PSKH1: variants seen among roughly 807,000 people sequenced by gnomAD.
PSKH1 encodes the protein serine/threonine-protein kinase H1.
PSKH1 carries 12 observed loss-of-function variants against 26.7 expected under a neutral mutation model. The ratio of observed to expected loss-of-function variants is 0.45; its 90% CI spans 0.29 to 0.73. The LOEUF (loss-of-function observed/expected upper bound fraction) is 0.73, where lower values mean the gene tolerates loss of function less well. Among genes scored for constraint, PSKH1 ranks in the 30% least tolerant of loss-of-function variants. PSKH1 has a pLI of 0.11. For missense variants in PSKH1, 431 were observed against 595.2 expected, an observed-to-expected ratio of 0.72 and a Z score of 2.87; for synonymous variants, 213 against 234.3, an observed-to-expected ratio of 0.91 and a Z score of 0.83.
chr16:67,896,394 C>T (rs2058126528), intron 1 of PSKH1, among the ~76,000 whole-genome samples: 1 of 152,132 alleles, frequency 6.6e-6, no homozygotes, highest in South Asian at 2.1e-4. Context: ...CAAGCATGAG[C>T]CACCACAACC....
intron 2 of PSKH1, among the ~76,000 whole-genome samples, chr16:67,924,728 A>C (rs2058211595): frequency 6.6e-6 from 1 of 152,232 alleles, no homozygotes; most frequent in Non-Finnish European, 1.5e-5. Context: ...ACTGAGCTGC[A>C]GCCTGCTTCC....
intron 1 of PSKH1, among the ~76,000 whole-genome samples, chr16:67,908,292 CAG>C (rs375718194): frequency 2.2e-4 from 34 of 152,176 alleles, no homozygotes; most frequent in African/African-American, 7.0e-4. Flanking sequence ...TTGTTTGAGA[CAG>C]AGTCTTACTC....
At chr16:67,907,873 GAT>G (rs1567398911) in intron 1 of PSKH1, among the ~76,000 whole-genome samples, 1 of 152,200 alleles carries the variant, frequency 6.6e-6, no homozygotes, top group Non-Finnish European at 1.5e-5. Context: ...GGCTGGGAAA[GAT>G]ATGCATGAAG....
rs1292773297 is a variant in PSKH1, at chr16:67,893,521, G to T, written c.-71+150G>T. The T allele has an allele frequency of 2.0e-5, 3 of 152,468 alleles. No homozygotes were observed. In the East Asian group the frequency reaches 5.8e-4, roughly 29 times the overall value. The allele number at this position is 152,468 out of a possible 1,614,324, so 9.4% of individuals were successfully genotyped here. On this transcript the variant is annotated intron_variant, in intron 1 of 2. Transcript: ENST00000291041. The stretch of plus-strand genomic sequence containing the variant: ...GTGCGCCAGGGCCTACAGGGTTGGA[G>T]AGCAGGCCGGGCGATGGCTGCTCGG...
At chr16:67,893,604 G>T (rs1003114107) in intron 1 of PSKH1, among the ~76,000 whole-genome samples, 7 of 152,242 alleles carry the variant, frequency 4.6e-5, no homozygotes, top group African/African-American at 1.7e-4. Context: ...TGGATAGCCC[G>T]TCTCCAGGCC....
At chr16:67,896,116 C>CT (rs370574659) in intron 1 of PSKH1, among the ~76,000 whole-genome samples, 59 of 146,456 alleles carry the variant, frequency 4.0e-4, no homozygotes, top group African/African-American at 6.7e-4. Context: ...TTTTTCTTTT[C>CT]TTTTTTTTTT....
intron 2 of PSKH1, among the ~76,000 whole-genome samples, chr16:67,921,554 C>CTGGGTGACA (rs1470221707): frequency 2.3e-4 from 35 of 151,980 alleles, no homozygotes; most frequent in African/African-American, 8.0e-4. Flanking sequence ...GCACTCCAGC[C>CTGGGTGACA]TGGGTGACAG....
In PSKH1 at chr16:67,927,654, G is replaced by A. The variant is rs761547232; in HGVS notation, c.*12G>A. The A allele has an allele frequency of 1.8e-5, 29 of 1,592,034 alleles. 1 individual carries two copies. The highest frequency in any genetic ancestry group is 5.6e-5 in the South Asian group (5 of 89,948). ...AATACAATGGCTGAGCCGCCTGGCT[G>A]TGCACACATGCAGCACGACCCAGCC... On this transcript the variant is annotated 3_prime_UTR_variant, in exon 3 of 3. Transcript: ENST00000291041. The surrounding 1 kb of genome is among the most constrained non-coding windows in gnomAD (Gnocchi z 5.5).
rs771730022 is a variant in PSKH1 at position 67,909,192 on chromosome 16, G to A, written c.443G>A (p.Arg148His). Reference protein sequence around the residue: ...EVCESELRVLRRVRHANIIQL... With the variant: ...EVCESELRVLHRVRHANIIQL... ...TGTGAGTCGGAGCTGCGTGTGCTGC[G>A]TCGGGTGCGTCATGCCAACATCATC... is the stretch of plus-strand genomic sequence containing the variant. Residue 148 changes from arginine to histidine, a missense_variant, in exon 2 of 3, where the codon CGT becomes CAT. Transcript: ENST00000291041. This position sits in a 1 kb window ranked among gnomAD's most constrained non-coding sequence, Gnocchi z 7.8. 9 of 1,614,158 alleles carry A rather than the reference G, an allele frequency of 5.6e-6. No homozygotes were observed. The highest frequency in any genetic ancestry group is 3.3e-5 in the South Asian group (3 of 91,078).
chr16:67,923,054 C>T (rs747565143), intron 2 of PSKH1, among the ~76,000 whole-genome samples: 1 of 152,178 alleles, frequency 6.6e-6, no homozygotes, highest in Non-Finnish European at 1.5e-5. Context: ...CTAGAGCAAA[C>T]GAAAAGGGTT....
intron 1 of PSKH1, among the ~76,000 whole-genome samples, chr16:67,905,250 G>C (rs2058153090): frequency 6.6e-6 from 1 of 152,090 alleles, no homozygotes; most frequent in South Asian, 2.1e-4. Flanking sequence ...TTCCCAGGAA[G>C]GTCCTGGTCC....
chr16:67,897,952 A>G (rs748855927), intron 1 of PSKH1, among the ~76,000 whole-genome samples: 19 of 152,050 alleles, frequency 1.2e-4, no homozygotes, highest in Non-Finnish European at 2.4e-4. Context: ...GGTTCATGCC[A>G]TTCTCCTGCC....
chr16:67,901,546 C>T (rs941584560), intron 1 of PSKH1, among the ~76,000 whole-genome samples: 1 of 151,488 alleles, frequency 6.6e-6, no homozygotes, highest in African/African-American at 2.4e-5. Flanking sequence ...GTTGCCCAGG[C>T]TGGCTCAAAC....
intron 1 of PSKH1, among the ~76,000 whole-genome samples, chr16:67,896,620 G>A (rs538879250): frequency 4.5e-5 from 6 of 133,656 alleles, no homozygotes; most frequent in African/African-American, 1.1e-4. Context: ...TTGGCTCACC[G>A]CAACCTCTGC....
At chr16:67,908,603 G>A in intron 1 of PSKH1, 77 bp from the exon 2 acceptor site, 5 of 657,262 alleles carry the variant, frequency 7.6e-6, no homozygotes, top group Non-Finnish European at 1.3e-5. Flanking sequence ...AGTTTCTGGA[G>A]AGGGAGGGCT....
intron 1 of PSKH1, among the ~76,000 whole-genome samples, chr16:67,893,606 C>T (rs889013156): frequency 8.5e-5 from 13 of 152,264 alleles, no homozygotes; most frequent in African/African-American, 3.1e-4. Flanking sequence ...GATAGCCCGT[C>T]TCCAGGCCCG....
At chr16:67,913,624 A>T (rs972791923) in intron 2 of PSKH1, among the ~76,000 whole-genome samples, 1 of 152,164 alleles carries the variant, frequency 6.6e-6, no homozygotes, top group Non-Finnish European at 1.5e-5. Flanking sequence ...GCTGGGTCCC[A>T]TTCTAGCGAT....
At chr16:67,894,194 C>G (rs1336773179) in intron 1 of PSKH1, among the ~76,000 whole-genome samples, 1 of 152,160 alleles carries the variant, frequency 6.6e-6, no homozygotes. Flanking sequence ...CCTCTATTGC[C>G]CAAGCTGGAG....
At chr16:67,913,814 C>T (rs2058179633) in intron 2 of PSKH1, among the ~76,000 whole-genome samples, 1 of 152,124 alleles carries the variant, frequency 6.6e-6, no homozygotes, top group Admixed American at 6.5e-5. Context: ...CTAATAAACA[C>T]CAGGTGGTGT....
Sources: allele counts gnomAD v4.1 joint callset (sites outside exome capture counted in the v4.1 genomes callset), GRCh38; gene constraint gnomAD v4.1.1; non-coding constraint Gnocchi (gnomAD v3.1); transcripts MANE v1.5; gene names NCBI Gene and HGNC (gene_info 2026-07-23, HGNC 2026-07-21).